RNF8: variants seen among roughly 807,000 people sequenced by gnomAD.
RNF8 encodes the protein E3 ubiquitin-protein ligase RNF8.
Under a neutral mutation model 59.3 loss-of-function variants are expected in RNF8, and 8 were observed. The ratio of observed to expected loss-of-function variants is 0.13; its 90% CI spans 0.08 to 0.24. The LOEUF (loss-of-function observed/expected upper bound fraction) is 0.24. RNF8 is among the 10% of genes least tolerant of loss of function. RNF8 has a pLI of 1.00. For synonymous variants in RNF8, 162 were observed against 200.0 expected (o/e 0.81, Z 1.60); for missense variants, 406 against 572.6 (o/e 0.71, Z 2.97).
In RNF8 at chr6:37,360,906, C is replaced by G. The variant is rs552291747; in HGVS notation, c.240+332C>G. 6.2e-4 allele frequency among the ~76,000 whole-genome samples: 94 copies of G among 152,162 alleles called. No homozygotes were observed. Among genetic ancestry groups the G allele is most frequent in the Non-Finnish European group, 1.0e-3 (69 of 68,038 alleles). ...CAGAGACCCTGGGAATCTGCAGAAT[C>G]TGCTGACGCTTCTGGAGTACACTTA... On this transcript the variant is annotated intron_variant, in intron 2 of 7. Transcript: ENST00000373479. The surrounding 1 kb of genome is among the most constrained non-coding windows in gnomAD (Gnocchi z 4.2).
At chr6:37,379,952 C>T (rs115748839) in intron 6 of RNF8, among the ~76,000 whole-genome samples, 38 of 152,218 alleles carry the variant, frequency 2.5e-4, no homozygotes, top group African/African-American at 7.9e-4. Context: ...CTCACTCTGT[C>T]GCCCAGGCTG....
At chr6:37,355,082 A>T (rs762390062) in intron 1 of RNF8, among the ~76,000 whole-genome samples, 3 of 152,058 alleles carry the variant, frequency 2.0e-5, no homozygotes, top group Non-Finnish European at 4.4e-5. Context: ...GCAGTTGCAA[A>T]TGAAAAATAT....
chr6:37,375,914 T>C (rs909383676), intron 5 of RNF8, among the ~76,000 whole-genome samples: 1 of 152,296 alleles, frequency 6.6e-6, no homozygotes, highest in South Asian at 2.1e-4. Context: ...CCTTAAAAAG[T>C]GTGTCCACAC....
intron 1 of RNF8, among the ~76,000 whole-genome samples, chr6:37,357,171 T>C (rs893220350): frequency 6.6e-6 from 1 of 152,244 alleles, no homozygotes; most frequent in Non-Finnish European, 1.5e-5. Context: ...TGCAAAACTA[T>C]TGTAAATGAA....
intron 5 of RNF8, 113 bp from the exon 6 acceptor site, chr6:37,376,813 A>C: frequency 2.9e-6 from 2 of 685,978 alleles, no homozygotes; most frequent in Non-Finnish European, 5.3e-6. Flanking sequence ...GCTGCACCAG[A>C]ATGAATCACT....
At chr6:37,370,345 T>G (rs1034013412) in intron 3 of RNF8, 17 of 152,178 alleles carry the variant, frequency 1.1e-4, no homozygotes. Flanking sequence ...TTCTTGAAAT[T>G]AATAGAGGGT....
At chr6:37,384,088 C>T (rs1770391603) in intron 7 of RNF8, among the ~76,000 whole-genome samples, 1 of 151,180 alleles carries the variant, frequency 6.6e-6, no homozygotes, top group African/African-American at 2.4e-5. Context: ...GATTTTCAAC[C>T]AAGGGGCTTT....
intron 6 of RNF8, among the ~76,000 whole-genome samples, chr6:37,378,430 AT>A (rs1362845066): frequency 6.6e-6 from 1 of 151,960 alleles, no homozygotes; most frequent in Non-Finnish European, 1.5e-5. Context: ...GCAAAACCCC[AT>A]CTTTACTAAA....
chr6:37,361,115 G>A (rs1435005169), intron 2 of RNF8: 3 of 370,722 alleles, frequency 8.1e-6, no homozygotes, highest in South Asian at 2.0e-5. Flanking sequence ...AAAACCACTA[G>A]TTTAGTGGTA....
chr6:37,381,494 A>C (rs1278513962), intron 7 of RNF8, 140 bp downstream of exon 7: 2 of 716,680 alleles, frequency 2.8e-6, no homozygotes, highest in Non-Finnish European at 4.6e-6. Context: ...GGAGGAGTAA[A>C]GGGAGTTAAA....
In RNF8 at chr6:37,354,111, G is replaced by A; in HGVS notation, c.-54G>A. ...CTGAGGGGATGCACAGAGGCAGCCA[G>A]AACCTAGGTCAGGGTCTCGCTCGGT... On this transcript the variant is annotated 5_prime_UTR_variant, in exon 1 of 8. Transcript: ENST00000373479. 6.8e-7 allele frequency: 1 copy of A among 1,465,216 alleles called. No individual in the cohort carries two copies. The allele number at this position is 1,465,216 out of a possible 1,614,324, so 90.8% of individuals were successfully genotyped here.
At chr6:37,376,886 T>G in intron 5 of RNF8, 40 bp from the exon 6 acceptor site, 1 of 1,460,180 alleles carries the variant, frequency 6.8e-7, no homozygotes, top group Non-Finnish European at 9.6e-7. Context: ...TGCATTTTTG[T>G]TGGTTCTCTG....
rs191138386 is a variant in RNF8 at position 37,392,364 on chromosome 6, T to C, written c.*1606T>C. The C allele has an allele frequency of 2.0e-5, 8 of 398,266 alleles. No homozygotes were observed. The highest frequency in any genetic ancestry group is 1.2e-4 in the African/African-American group (6 of 48,758). 24.7% of individuals were successfully genotyped at this position (398,266 alleles called of 1,614,324 possible). ...TTTAAGAGAGTACAGACATACACTT[T>C]TTGAGTAGGCAATATGTTCACATAG... On this transcript the variant is annotated 3_prime_UTR_variant, in exon 8 of 8. Coordinates refer to ENST00000373479, the MANE Select transcript of RNF8 (RefSeq NM_003958.4).
intron 6 of RNF8, among the ~76,000 whole-genome samples, chr6:37,378,616 A>G (rs971325988): frequency 6.6e-6 from 1 of 151,806 alleles, no homozygotes; most frequent in Non-Finnish European, 1.5e-5. Flanking sequence ...AAAAAAAAAA[A>G]AAAAAAAGAA....
chr6:37,390,623 C>T lies in RNF8; in HGVS notation c.1442-119C>T, dbSNP rs1770691701. On this transcript the variant is annotated intron_variant, in intron 7 of 7. Transcript: ENST00000373479. Reference sequence around the variant, plus strand: ...AGTGACATGATCTGACTTCTGTTTTCTCAGTTCGCTATGGCTGCTGTGTGA... The same window carrying T: ...AGTGACATGATCTGACTTCTGTTTTTTCAGTTCGCTATGGCTGCTGTGTGA... 8.7e-6 allele frequency: 6 copies of T among 687,574 alleles called. No individual in the cohort carries two copies. In the South Asian group the frequency reaches 8.8e-5, roughly 10 times the overall value. The allele number at this position is 687,574 out of a possible 1,614,324, so 42.6% of individuals were successfully genotyped here.
intron 7 of RNF8, among the ~76,000 whole-genome samples, chr6:37,384,595 A>G (rs1193610970): frequency 7.2e-5 from 11 of 152,368 alleles, no homozygotes; most frequent in Non-Finnish European, 1.5e-4. Flanking sequence ...AGATGGATCC[A>G]GGTCAGACCA....
intron 7 of RNF8, among the ~76,000 whole-genome samples, chr6:37,386,344 A>G (rs1770495951): frequency 6.6e-6 from 1 of 152,150 alleles, no homozygotes; most frequent in Non-Finnish European, 1.5e-5. Context: ...TGGTCCTTCC[A>G]TCTGGAGGTC....
intron 2 of RNF8, among the ~76,000 whole-genome samples, chr6:37,361,742 G>A (rs1769333879): frequency 6.6e-6 from 1 of 152,202 alleles, no homozygotes; most frequent in Non-Finnish European, 1.5e-5. Context: ...TAAGCTGTTG[G>A]AAAGTATCTT....
In RNF8 at chr6:37,391,079, G is replaced by A. The variant is rs975721489; in HGVS notation, c.*321G>A. 1.9e-6 allele frequency: 1 copy of A among 517,432 alleles called. No homozygotes were observed. The allele number at this position is 517,432 out of a possible 1,614,324, so 32.1% of individuals were successfully genotyped here. On this transcript the variant is annotated 3_prime_UTR_variant, in exon 8 of 8. Coordinates refer to ENST00000373479, the MANE Select transcript of RNF8 (RefSeq NM_003958.4). ...AATTTGTTGTTGTTGTTACTGTTTT[G>A]ATACCTCGGAAACACCTCCGTTGAC...
Sources: gnomAD v4.1 joint callset for allele counts (sites outside exome capture counted in the v4.1 genomes callset) on GRCh38, gnomAD v4.1.1 for gene constraint, Gnocchi (gnomAD v3.1) non-coding constraint, MANE v1.5 for transcripts, NCBI Gene and HGNC (gene_info 2026-07-23, HGNC 2026-07-21) for gene names.